Variants in SMAD6 observed in about 807,000 individuals in gnomAD.
SMAD6 encodes the protein SMAD family member 6.
Under a neutral mutation model 39.4 loss-of-function variants are expected in SMAD6, and 103 were observed. The observed-to-expected ratio is 2.62, with a 90% CI of 2.23 to 3.08. The LOEUF is 3.08. Among genes scored for constraint, SMAD6 ranks in the 30% most tolerant of loss-of-function variants. SMAD6 has a pLI of 0.00. For synonymous variants in SMAD6, 445 were observed against 353.3 expected (o/e 1.26, Z -2.91); for missense variants, 1,104 against 742.9 (o/e 1.49, Z -5.65).
chr15:66,717,205 GCTGGTGGCATGGTGGC>G (rs1893346338), intron 3 of SMAD6: 2 of 1,162,590 alleles, frequency 1.7e-6, no homozygotes, highest in South Asian at 1.3e-5. Context: ...TGGGAGCATG[GCTGGTGGCATGGTGGC>G]CTGGTGGCAT....
intron 3 of SMAD6, among the ~76,000 whole-genome samples, chr15:66,718,953 G>A (rs184755861): frequency 8.5e-5 from 13 of 152,318 alleles, no homozygotes; most frequent in African/African-American, 2.4e-4. Context: ...GGGCCAGGCC[G>A]GGGCATTTGA....
intron 3 of SMAD6, among the ~76,000 whole-genome samples, chr15:66,757,715 T>C (rs1241988742): frequency 6.6e-6 from 1 of 152,182 alleles, no homozygotes; most frequent in Non-Finnish European, 1.5e-5. Flanking sequence ...GTTCAGTGCC[T>C]GGAGGGGGTC....
At position 66,781,192 on chromosome 15, in the gene SMAD6, C is replaced by A. The variant is rs1410638809; in HGVS notation, c.1148C>A (p.Thr383Lys). ...LEQRSESVRR[T>K]RSKIGFGILL... The stretch of plus-strand genomic sequence containing the variant: ...CAGCGCAGCGAGTCGGTGCGGCGAA[C>A]GCGCAGCAAGATCGGCTTCGGCATC... Residue 383 changes from threonine to lysine, a missense_variant, in exon 4 of 4, where the codon ACG becomes AAG. Physicochemically the swap from Thr to Lys is moderately conservative, Grantham distance 78. Coordinates refer to ENST00000288840, the MANE Select transcript of SMAD6 (RefSeq NM_005585.5). 6.2e-7 allele frequency: 1 copy of A among 1,608,028 alleles called. No homozygotes were observed.
intron 3 of SMAD6, among the ~76,000 whole-genome samples, chr15:66,772,113 T>G (rs1894388765): frequency 6.6e-6 from 1 of 152,206 alleles, no homozygotes; most frequent in Non-Finnish European, 1.5e-5. Context: ...GCTAGCTTCT[T>G]ATAGCATGGT....
At chr15:66,721,899 G>T (rs1037456987) in intron 3 of SMAD6, among the ~76,000 whole-genome samples, 22 of 152,186 alleles carry the variant, frequency 1.4e-4, no homozygotes, top group African/African-American at 5.1e-4. Context: ...GAGGTAGCTG[G>T]GGAAGGCTTC....
At chr15:66,736,713 G>A (rs1456097893) in intron 3 of SMAD6, among the ~76,000 whole-genome samples, 1 of 151,642 alleles carries the variant, frequency 6.6e-6, no homozygotes, top group Non-Finnish European at 1.5e-5. Context: ...TGGCACCAGA[G>A]CGGAGTGTAG....
chr15:66,729,016 T>C (rs889429124), intron 3 of SMAD6, among the ~76,000 whole-genome samples: 1 of 152,218 alleles, frequency 6.6e-6, no homozygotes, highest in Non-Finnish European at 1.5e-5. Flanking sequence ...ACCACAGCGT[T>C]TTAGTCAGAA....
intron 3 of SMAD6, among the ~76,000 whole-genome samples, chr15:66,746,071 G>T (rs1893902640): frequency 6.6e-6 from 1 of 152,212 alleles, no homozygotes; most frequent in South Asian, 2.1e-4. Context: ...TCAGCCAGAG[G>T]GTGCTGGGGT....
At chr15:66,741,538 A>G (rs971159569) in intron 3 of SMAD6, among the ~76,000 whole-genome samples, 2 of 152,208 alleles carry the variant, frequency 1.3e-5, no homozygotes, top group African/African-American at 4.8e-5. Context: ...CCAATGTTAT[A>G]TGGAAACTAG....
chr15:66,745,887 A>G (rs182400373), intron 3 of SMAD6, among the ~76,000 whole-genome samples: 44 of 152,242 alleles, frequency 2.9e-4, no homozygotes, highest in African/African-American at 1.0e-3. Flanking sequence ...AGGACCTTTC[A>G]ATTCCTCTGT....
chr15:66,708,199 G>A (rs1260267951), intron 1 of SMAD6: 3 of 153,118 alleles, frequency 2.0e-5, no homozygotes, highest in Non-Finnish European at 4.4e-5. Context: ...GGGGCCTGCG[G>A]TGCTCTAAAA....
At chr15:66,772,157 T>C (rs1894389976) in intron 3 of SMAD6, among the ~76,000 whole-genome samples, 1 of 152,182 alleles carries the variant, frequency 6.6e-6, no homozygotes, top group African/African-American at 2.4e-5. Context: ...TTCTGGGATT[T>C]TGCAGCCCAC....
chr15:66,706,779 C>G (rs1337240819), intron 1 of SMAD6: 2 of 152,374 alleles, frequency 1.3e-5, no homozygotes, highest in Non-Finnish European at 2.9e-5. Context: ...CAGGGAGCCC[C>G]GGTGACAGAA....
chr15:66,723,748 AC>A (rs1893475249), intron 3 of SMAD6, among the ~76,000 whole-genome samples: 1 of 152,232 alleles, frequency 6.6e-6, no homozygotes, highest in South Asian at 2.1e-4. Context: ...AGAATCTACT[AC>A]ATGCCAGTGG....
intron 3 of SMAD6, among the ~76,000 whole-genome samples, chr15:66,730,565 G>C (rs893780646): frequency 6.6e-6 from 1 of 152,184 alleles, no homozygotes; most frequent in African/African-American, 2.4e-5. Context: ...CTGGCGCCTA[G>C]CATGGCCCAC....
chr15:66,704,405 G>A (rs146292359), intron 1 of SMAD6: 1 of 236,232 alleles, frequency 4.2e-6, no homozygotes, highest in East Asian at 8.1e-5. Context: ...GACCAAAGAA[G>A]TAGGTGCTAT....
chr15:66,713,581 G>C (rs1296591852), intron 2 of SMAD6, among the ~76,000 whole-genome samples: 2 of 152,310 alleles, frequency 1.3e-5, no homozygotes, highest in East Asian at 3.9e-4. Context: ...GCCTCCCAAA[G>C]TGCTGGGATT....
chr15:66,728,080 C>T (rs554666729), intron 3 of SMAD6, among the ~76,000 whole-genome samples: 5 of 151,916 alleles, frequency 3.3e-5, no homozygotes, highest in African/African-American at 9.7e-5. Context: ...CTTAAACTCC[C>T]GAACTCAGGT....
chr15:66,777,534 A>T (rs189143292), intron 3 of SMAD6, among the ~76,000 whole-genome samples: 1 of 152,332 alleles, frequency 6.6e-6, no homozygotes, highest in Admixed American at 6.5e-5. Flanking sequence ...TCGCAGTCCC[A>T]GCTATTCAGG....
Sources: allele counts gnomAD v4.1 joint callset (sites outside exome capture counted in the v4.1 genomes callset), GRCh38; gene constraint gnomAD v4.1.1; transcripts MANE v1.5; gene names NCBI Gene and HGNC (gene_info 2026-07-23, HGNC 2026-07-21).